MAGI1: variants seen among roughly 807,000 people sequenced by gnomAD.
The protein encoded by MAGI1 is membrane-associated guanylate kinase, WW and PDZ domain-containing protein 1.
Under a neutral mutation model 139.9 loss-of-function variants are expected in MAGI1, and 58 were observed. The observed-to-expected ratio is 0.41, with a 90% CI of 0.34 to 0.52. MAGI1 has a LOEUF of 0.52. Ranked by LOEUF, MAGI1 falls within the 20% of genes least tolerant of loss-of-function variation. The pLI is 0.12. For missense variants in MAGI1, 1,874 were observed against 1,901.6 expected (o/e 0.99, Z 0.27); for synonymous variants, 812 against 737.9 (o/e 1.10, Z -1.63).
rs140330838 is a variant in MAGI1, at chr3:65,425,844, G to A, written c.2167+3676C>T. Among the ~76,000 whole-genome samples the A allele has an allele frequency of 6.2e-4, 94 of 152,222 alleles. 1 individual carries two copies. Among genetic ancestry groups the A allele is most frequent in the Non-Finnish European group, 9.3e-4 (63 of 68,018 alleles). ...GCACAGGTAGTTACGCTATCTACATGAGCCTTTTTTAAAAAAAGTAAAAAA... is the reference window on the plus strand; with the variant it reads ...GCACAGGTAGTTACGCTATCTACATAAGCCTTTTTTAAAAAAAGTAAAAAA... On this transcript the variant is annotated intron_variant, in intron 12 of 22. Coordinates refer to ENST00000402939, the MANE Select transcript of MAGI1 (RefSeq NM_001033057.2).
At chr3:65,582,724 T>A (rs1332715119) in intron 2 of MAGI1, among the ~76,000 whole-genome samples, 2 of 152,168 alleles carry the variant, frequency 1.3e-5, no homozygotes, top group Non-Finnish European at 2.9e-5. Flanking sequence ...CAAAGCCTCA[T>A]GGAAGTCACC....
chr3:65,440,370 C>T (rs1243977110), intron 8 of MAGI1, among the ~76,000 whole-genome samples: 2 of 152,122 alleles, frequency 1.3e-5, no homozygotes, highest in Non-Finnish European at 2.9e-5. Flanking sequence ...AACAGGCATG[C>T]AAGCTCAGGG....
chr3:65,833,428 T>C (rs2042637264), intron 1 of MAGI1, among the ~76,000 whole-genome samples: 1 of 152,142 alleles, frequency 6.6e-6, no homozygotes, highest in Non-Finnish European at 1.5e-5. Context: ...CTAGGTCTAC[T>C]GAACTTCTAA....
Position 65,698,650 on chromosome 3 carries a change from C to T in MAGI1, c.314-76562G>A, listed in dbSNP as rs1401781372. ...AAAGGATTCCCTATTTAATAAATGGCGCTGGGAAAACTGGCTAGCCATATG... is the reference window on the plus strand; with the variant it reads ...AAAGGATTCCCTATTTAATAAATGGTGCTGGGAAAACTGGCTAGCCATATG... On this transcript the variant is annotated intron_variant, in intron 1 of 22. Transcript: ENST00000402939. 3.4e-3 allele frequency among the ~76,000 whole-genome samples: 520 copies of T among 151,748 alleles called. 5 individuals carry two copies. Among genetic ancestry groups the T allele is most frequent in the African/African-American group, 0.011 (464 of 41,260 alleles).
At chr3:66,021,300 C>T (rs2067947262) in intron 1 of MAGI1, among the ~76,000 whole-genome samples, 1 of 152,192 alleles carries the variant, frequency 6.6e-6, no homozygotes. Flanking sequence ...TTAGTCAATG[C>T]TGTCTTTCCA....
At chr3:66,018,023 G>C (rs922123836) in intron 1 of MAGI1, among the ~76,000 whole-genome samples, 3 of 148,478 alleles carry the variant, frequency 2.0e-5, no homozygotes. Context: ...TTCCTCCTTT[G>C]ATCTTGGTCA....
intron 1 of MAGI1, among the ~76,000 whole-genome samples, chr3:65,767,952 C>A (rs2107921401): frequency 6.6e-6 from 1 of 152,274 alleles, no homozygotes; most frequent in South Asian, 2.1e-4. Context: ...TTCTGCATGC[C>A]CAATGGAGTG....
intron 1 of MAGI1, among the ~76,000 whole-genome samples, chr3:65,654,624 C>T (rs1345561554): frequency 6.8e-6 from 1 of 147,154 alleles, no homozygotes; most frequent in Admixed American, 6.8e-5. Context: ...TGAGTAATGA[C>T]TTTTTTTTTT....
At chr3:65,589,363 G>A (rs992735477) in intron 2 of MAGI1, among the ~76,000 whole-genome samples, 1 of 152,096 alleles carries the variant, frequency 6.6e-6, no homozygotes, top group African/African-American at 2.4e-5. Flanking sequence ...CATGCCCCTT[G>A]TGACTTTCCC....
At chr3:65,905,203 T>C (rs1208098587) in intron 1 of MAGI1, among the ~76,000 whole-genome samples, 1 of 152,234 alleles carries the variant, frequency 6.6e-6, no homozygotes, top group Admixed American at 6.5e-5. Context: ...TTTAGAGCAC[T>C]GCTTCTCAAA....
intron 1 of MAGI1, among the ~76,000 whole-genome samples, chr3:65,858,994 C>T (rs1007976717): frequency 3.9e-5 from 6 of 152,162 alleles, no homozygotes; most frequent in African/African-American, 7.2e-5. Context: ...GAATCATGTA[C>T]ACGTTGGCCT....
chr3:65,655,915 G>A (rs1052266128), intron 1 of MAGI1, among the ~76,000 whole-genome samples: 2 of 152,140 alleles, frequency 1.3e-5, no homozygotes, highest in Admixed American at 6.5e-5. Context: ...GAGAAGTCAT[G>A]TTATTTAACA....
intron 1 of MAGI1, among the ~76,000 whole-genome samples, chr3:65,970,830 A>T (rs1312217410): frequency 6.6e-6 from 1 of 152,244 alleles, no homozygotes; most frequent in Non-Finnish European, 1.5e-5. Context: ...CCAAGAGAAC[A>T]TTGAAAGAAT....
At chr3:65,470,517 G>C in intron 4 of MAGI1, 33 bp from the exon 5 acceptor site, 7 of 1,354,742 alleles carry the variant, frequency 5.2e-6, no homozygotes, top group Non-Finnish European at 7.0e-6. Flanking sequence ...GAGAGAGAGA[G>C]AGAGAGAAAA....
intron 2 of MAGI1, among the ~76,000 whole-genome samples, chr3:65,505,553 G>A (rs1247168075): frequency 6.6e-6 from 1 of 151,676 alleles, no homozygotes; most frequent in African/African-American, 2.4e-5. Context: ...GCTGAAGTGG[G>A]AGGACCACTT....
chr3:65,508,586 C>G (rs2077405532), intron 2 of MAGI1, among the ~76,000 whole-genome samples: 1 of 152,054 alleles, frequency 6.6e-6, no homozygotes, highest in Non-Finnish European at 1.5e-5. Context: ...CTAAGACAGT[C>G]ACATTACTTT....
In MAGI1 at chr3:66,009,438, A is replaced by G. The variant is rs75507771; in HGVS notation, c.313+28558T>C. Among the ~76,000 whole-genome samples, 909 of 152,270 alleles carry G rather than the reference A, an allele frequency of 6.0e-3. 5 individuals are homozygous for G. The highest frequency in any genetic ancestry group is 9.9e-3 in the Non-Finnish European group (673 of 68,032). Reference sequence around the variant, plus strand: ...GGCAGGAGAATCACTTGAACCCCAGAGACCGAGGTTGCAGTGAGCCAAGAC... The same window carrying G: ...GGCAGGAGAATCACTTGAACCCCAGGGACCGAGGTTGCAGTGAGCCAAGAC... On this transcript the variant is annotated intron_variant, in intron 1 of 22. Transcript: ENST00000402939.
At chr3:65,405,924 C>G (rs1945303337) in intron 12 of MAGI1, among the ~76,000 whole-genome samples, 1 of 151,992 alleles carries the variant, frequency 6.6e-6, no homozygotes, top group Admixed American at 6.6e-5. Flanking sequence ...GATGGGGTTT[C>G]ACCATGTTGG....
intron 1 of MAGI1, among the ~76,000 whole-genome samples, chr3:65,881,011 G>T (rs930142621): frequency 1.3e-5 from 2 of 151,836 alleles, no homozygotes; most frequent in African/African-American, 4.8e-5. Flanking sequence ...GGGCTCAAGC[G>T]ATCTTCCCGC....
Sources: allele counts gnomAD v4.1 joint callset (sites outside exome capture counted in the v4.1 genomes callset), GRCh38; gene constraint gnomAD v4.1.1; transcripts MANE v1.5; gene names NCBI Gene and HGNC (gene_info 2026-07-23, HGNC 2026-07-21).